LSAMP: variants seen among roughly 807,000 people sequenced by gnomAD.
LSAMP encodes limbic system associated membrane protein.
A neutral mutation model predicts 38.6 loss-of-function variants in LSAMP; 7 were observed. The observed-to-expected ratio is 0.18, with a 90% CI of 0.10 to 0.34. The LOEUF (loss-of-function observed/expected upper bound fraction) is 0.34, where lower values mean the gene tolerates loss of function less well. LSAMP is among the 10% of genes least tolerant of loss of function. The probability of loss-of-function intolerance (pLI) is 1.00; values close to 1 mark genes in which losing one functional copy is unlikely to be tolerated. For synonymous variants in LSAMP, 154 were observed against 166.8 expected (o/e 0.92, Z 0.59); for missense variants, 313 against 420.0 (o/e 0.75, Z 2.23).
chr3:115,911,591 T>C (rs892549211), intron 3 of LSAMP, among the ~76,000 whole-genome samples: 20 of 152,236 alleles, frequency 1.3e-4, no homozygotes, highest in Admixed American at 1.3e-3. Context: ...TAATCCATCC[T>C]CCTTGACCTC....
intron 3 of LSAMP, among the ~76,000 whole-genome samples, chr3:115,955,065 CTG>C (rs1938412727): frequency 6.6e-6 from 1 of 152,002 alleles, no homozygotes; most frequent in Non-Finnish European, 1.5e-5. Flanking sequence ...CGCCATTCTC[CTG>C]CCGCAGCCTC....
At chr3:116,087,096 A>AT (rs1397545608) in intron 1 of LSAMP, among the ~76,000 whole-genome samples, 1 of 152,168 alleles carries the variant, frequency 6.6e-6, no homozygotes, top group African/African-American at 2.4e-5. Context: ...GTGTGAGCAG[A>AT]TCCAAGCATA....
chr3:116,189,877 A>C (rs1710711557), intron 1 of LSAMP, among the ~76,000 whole-genome samples: 1 of 152,166 alleles, frequency 6.6e-6, no homozygotes, highest in Admixed American at 6.5e-5. Context: ...TTGTAGTTTA[A>C]AAATACTGAG....
At chr3:116,082,803 A>G (rs1294580410) in intron 2 of LSAMP, among the ~76,000 whole-genome samples, 1 of 152,110 alleles carries the variant, frequency 6.6e-6, no homozygotes, top group Non-Finnish European at 1.5e-5. Context: ...ACCAAATACC[A>G]CAGGTTCTCA....
intron 3 of LSAMP, among the ~76,000 whole-genome samples, chr3:115,894,166 G>T (rs1936672395): frequency 6.6e-6 from 1 of 151,984 alleles, no homozygotes; most frequent in South Asian, 2.1e-4. Flanking sequence ...TTCTAGCCTG[G>T]TTGGACAAAA....
chr3:116,052,881 A>G (rs968724717), intron 2 of LSAMP, among the ~76,000 whole-genome samples: 21 of 152,216 alleles, frequency 1.4e-4, no homozygotes, highest in Non-Finnish European at 7.3e-5. Flanking sequence ...CAGAGAATCA[A>G]CCAGTTCTGA....
intron 1 of LSAMP, among the ~76,000 whole-genome samples, chr3:116,265,626 G>A (rs16824696): frequency 0.19 from 29,441 of 152,038 alleles, 3,070 homozygotes; most frequent in Admixed American, 0.23. Flanking sequence ...CACTAATGGC[G>A]TAACAGCAGT....
At chr3:116,097,895 C>G (rs1406941693) in intron 1 of LSAMP, among the ~76,000 whole-genome samples, 2 of 151,998 alleles carry the variant, frequency 1.3e-5, no homozygotes, top group African/African-American at 4.8e-5. Context: ...ACCACCATAC[C>G]TGGCTAATTT....
At chr3:116,375,352 G>A (rs2048481813) in intron 1 of LSAMP, among the ~76,000 whole-genome samples, 1 of 151,792 alleles carries the variant, frequency 6.6e-6, no homozygotes, top group African/African-American at 2.4e-5. Flanking sequence ...AATTTTTTAA[G>A]TATATGCATC....
chr3:115,875,877 T>G (rs1283412006), intron 3 of LSAMP, among the ~76,000 whole-genome samples: 1 of 152,136 alleles, frequency 6.6e-6, no homozygotes, highest in African/African-American at 2.4e-5. Flanking sequence ...TACAACAATA[T>G]TTTTCTACTG....
chr3:116,036,070 G>A (rs1332675275), intron 2 of LSAMP, among the ~76,000 whole-genome samples: 1 of 152,188 alleles, frequency 6.6e-6, no homozygotes. Flanking sequence ...TGGACTACAT[G>A]AGCAAGAAAT....
At chr3:116,162,676 TTCTCTC>T (rs140973794) in intron 1 of LSAMP, among the ~76,000 whole-genome samples, 11 of 148,024 alleles carry the variant, frequency 7.4e-5, no homozygotes, top group South Asian at 2.1e-4. Context: ...TCTTCACTGG[TTCTCTC>T]TCTCTCTCTC....
chr3:116,057,967 A>ACACACACACACACC (rs1553699988), intron 2 of LSAMP, among the ~76,000 whole-genome samples: 7,020 of 146,958 alleles, frequency 0.048, 183 homozygotes, highest in Non-Finnish European at 0.056. Flanking sequence ...CCACACACAC[A>ACACACACACACACC]CACACACACA....
chr3:116,350,756 A>G (rs1305049143), intron 1 of LSAMP, among the ~76,000 whole-genome samples: 1 of 152,016 alleles, frequency 6.6e-6, no homozygotes, highest in Non-Finnish European at 1.5e-5. Flanking sequence ...TTAATAAGAG[A>G]AGAAAAATTG....
intron 1 of LSAMP, among the ~76,000 whole-genome samples, chr3:116,414,394 C>T (rs2049021405): frequency 2.0e-5 from 3 of 152,198 alleles, no homozygotes; most frequent in South Asian, 4.1e-4. Flanking sequence ...TATCACAGTC[C>T]TACCCTGCCC....
At chr3:116,416,699 T>A (rs1401788896) in intron 1 of LSAMP, among the ~76,000 whole-genome samples, 2 of 152,122 alleles carry the variant, frequency 1.3e-5, no homozygotes, top group Admixed American at 6.6e-5. Flanking sequence ...ATCTTTCTGC[T>A]CCCGTACACA....
rs560039960 is a variant in LSAMP, at chr3:115,928,684, G to GT, written c.515-76068dup. On this transcript the variant is annotated intron_variant, in intron 3 of 6. Transcript: ENST00000490035. ...TGCAGAGTCCTGCAGAGTGCAGGGG[G>GT]TGAGGAGGGGCTGTAAAGGAAAAGG... Among the ~76,000 whole-genome samples the GT allele has an allele frequency of 6.1e-3, 926 of 152,292 alleles. 3 individuals are homozygous for GT. The highest frequency in any genetic ancestry group is 8.4e-3 in the Non-Finnish European group (573 of 68,018).
chr3:116,295,591 CT>C (rs749094423), intron 1 of LSAMP, among the ~76,000 whole-genome samples: 50 of 152,160 alleles, frequency 3.3e-4, no homozygotes, highest in Non-Finnish European at 4.4e-4. Flanking sequence ...TTAGCATGTC[CT>C]TCTAGTCACA....
intron 1 of LSAMP, among the ~76,000 whole-genome samples, chr3:116,403,835 C>A (rs1049531403): frequency 6.6e-6 from 1 of 151,824 alleles, no homozygotes; most frequent in Non-Finnish European, 1.5e-5. Flanking sequence ...CCTGCAGCCT[C>A]AAATTCCTGG....
Sources: allele counts gnomAD v4.1 joint callset (sites outside exome capture counted in the v4.1 genomes callset), GRCh38; gene constraint gnomAD v4.1.1; transcripts MANE v1.5; gene names NCBI Gene and HGNC (gene_info 2026-07-23, HGNC 2026-07-21).